Variants in GRID1 observed in about 807,000 individuals in gnomAD.
GRID1 encodes glutamate ionotropic receptor delta type subunit 1.
In GRID1, 28 loss-of-function variants were observed where a neutral mutation model predicts 98.0. That is an observed-to-expected ratio of 0.29 (90% confidence interval 0.21 to 0.39). GRID1 has a LOEUF of 0.39. GRID1 is among the 10% of genes least tolerant of loss of function. GRID1 has a pLI of 1.00. For missense variants in GRID1, 1,111 were observed against 1,340.5 expected, an observed-to-expected ratio of 0.83 and a Z score of 2.67; for synonymous variants, 553 against 538.5, an observed-to-expected ratio of 1.03 and a Z score of -0.37.
intron 4 of GRID1, among the ~76,000 whole-genome samples, chr10:86,089,132 C>A (rs1844106322): frequency 6.6e-6 from 1 of 152,146 alleles, no homozygotes; most frequent in Admixed American, 6.5e-5. Context: ...TGGGTCATAT[C>A]CAAAAGGGTT....
At chr10:85,695,615 G>T (rs1156292882) in intron 12 of GRID1, among the ~76,000 whole-genome samples, 4 of 152,112 alleles carry the variant, frequency 2.6e-5, no homozygotes, top group Non-Finnish European at 4.4e-5. Context: ...AGAATAAAAA[G>T]AAGTAAAAAA....
rs1845686610 is a variant in GRID1, at chr10:86,183,487, G to A, written c.520+22877C>T. Among the ~76,000 whole-genome samples the A allele has an allele frequency of 2.0e-5, 3 of 152,034 alleles. No homozygotes were observed. In the South Asian group the frequency reaches 6.2e-4, roughly 32 times the overall value. ...CGATTCATCTGCCTCAGCCTCCCAA[G>A]TAGCTAGGATTACAGGCATGCGCCA... On this transcript the variant is annotated intron_variant, in intron 3 of 15. Transcript: ENST00000327946.
In GRID1 at chr10:86,366,508, C is replaced by A; in HGVS notation, c.-116G>T. ...GGCCGCTCCCCGGGAGAGCCGAGCCCGCCCGTGCGTCTTCCCCCGCGCGCC... is the reference window on the plus strand; with the variant it reads ...GGCCGCTCCCCGGGAGAGCCGAGCCAGCCCGTGCGTCTTCCCCCGCGCGCC... On this transcript the variant is annotated 5_prime_UTR_variant, in exon 1 of 16. Transcript: ENST00000327946. The surrounding 1 kb of genome is among the most constrained non-coding windows in gnomAD (Gnocchi z 4.1). 1 of 519,606 alleles carries A rather than the reference C, an allele frequency of 1.9e-6. No homozygotes were observed. The highest frequency in any genetic ancestry group is 2.9e-6 in the Non-Finnish European group (1 of 349,598). 32.2% of individuals were successfully genotyped at this position (519,606 alleles called of 1,614,324 possible).
chr10:85,725,287 C>A (rs1193567885), intron 10 of GRID1, among the ~76,000 whole-genome samples: 1 of 152,158 alleles, frequency 6.6e-6, no homozygotes, highest in Non-Finnish European at 1.5e-5. Context: ...ATAAAGGGGT[C>A]ATATATTTAT....
At chr10:85,800,932 G>A (rs1030272319) in intron 8 of GRID1, among the ~76,000 whole-genome samples, 45 of 151,770 alleles carry the variant, frequency 3.0e-4, no homozygotes, top group African/African-American at 4.4e-4. Flanking sequence ...GAGCTGTTTC[G>A]TTAAAATAGA....
In GRID1 at chr10:85,859,449, A is replaced by ATGGT. The variant is rs1843144296; in HGVS notation, c.952-3260_952-3259insACCA. Among the ~76,000 whole-genome samples the ATGGT allele has an allele frequency of 2.3e-4, 35 of 152,256 alleles. 1 individual carries two copies. The South Asian group carries it at 6.8e-3, about 30-fold the overall frequency. ...GATGGATGGATGCATGGAGTGATTG[A>ATGGT]TGGATGGATGGATTTTCTCAGAAGG... On this transcript the variant is annotated intron_variant, in intron 6 of 15. Coordinates refer to ENST00000327946, the MANE Select transcript of GRID1 (RefSeq NM_017551.3).
At chr10:85,653,723 A>T (rs749133802) in intron 12 of GRID1, among the ~76,000 whole-genome samples, 1 of 152,148 alleles carries the variant, frequency 6.6e-6, no homozygotes, top group Non-Finnish European at 1.5e-5. Context: ...ATCAGTCATC[A>T]TGGGAGGGGA....
intron 2 of GRID1, among the ~76,000 whole-genome samples, chr10:86,285,722 T>A (rs1175252584): frequency 6.6e-6 from 1 of 152,126 alleles, no homozygotes; most frequent in Non-Finnish European, 1.5e-5. Flanking sequence ...TAGGTACAGA[T>A]TAGATGTAGG....
At chr10:85,797,793 A>G (rs1842539393) in intron 8 of GRID1, among the ~76,000 whole-genome samples, 1 of 151,984 alleles carries the variant, frequency 6.6e-6, no homozygotes, top group Admixed American at 6.6e-5. Context: ...TCTGTGCTCA[A>G]TGTTTAGCTC....
At chr10:85,647,514 A>G in intron 12 of GRID1, 117 bp from the exon 13 acceptor site, 1 of 760,432 alleles carries the variant, frequency 1.3e-6, no homozygotes, top group Non-Finnish European at 2.2e-6. Flanking sequence ...CACTATCCAC[A>G]TTCTTCATTC....
At chr10:85,673,437 G>T (rs1479869182) in intron 12 of GRID1, among the ~76,000 whole-genome samples, 1 of 152,146 alleles carries the variant, frequency 6.6e-6, no homozygotes, top group African/African-American at 2.4e-5. Flanking sequence ...ATGCTACAGA[G>T]AATTCTTTCA....
chr10:86,039,816 C>T (rs1324675600), intron 4 of GRID1, among the ~76,000 whole-genome samples: 5 of 152,192 alleles, frequency 3.3e-5, no homozygotes, highest in African/African-American at 1.2e-4. Context: ...AGAGACGTTT[C>T]TCTCTATCTC....
intron 8 of GRID1, among the ~76,000 whole-genome samples, chr10:85,768,806 A>G (rs1315120342): frequency 6.6e-6 from 1 of 152,258 alleles, no homozygotes; most frequent in East Asian, 1.9e-4. Flanking sequence ...AATTGACCCA[A>G]CATCTGTGGA....
At position 86,206,651 on chromosome 10, in the gene GRID1, A is replaced by G. The variant is rs773782196; in HGVS notation, c.236-3T>C. 25 of 1,608,922 alleles carry G rather than the reference A, an allele frequency of 1.6e-5. No homozygotes were observed. The highest frequency in any genetic ancestry group is 3.3e-4 in the Middle Eastern group (2 of 6,064). On this transcript the variant is annotated splice_region_variant and splice_polypyrimidine_tract_variant and intron_variant, in intron 2 of 15. Coordinates refer to ENST00000327946, the MANE Select transcript of GRID1 (RefSeq NM_017551.3). This position sits in a 1 kb window ranked among gnomAD's most constrained non-coding sequence, Gnocchi z 4.1. Reference sequence around the variant, plus strand: ...CCCCTGGGTCATGAGGTCACAGGCTAGAAAGAGAGAAGAGAGAGAGGAAGG... The same window carrying G: ...CCCCTGGGTCATGAGGTCACAGGCTGGAAAGAGAGAAGAGAGAGAGGAAGG...
At chr10:85,965,621 C>T (rs1323149667) in intron 4 of GRID1, among the ~76,000 whole-genome samples, 1 of 152,064 alleles carries the variant, frequency 6.6e-6, no homozygotes, top group East Asian at 1.9e-4. Context: ...GAACATCACA[C>T]ACCAGGGCCT....
intron 1 of GRID1, among the ~76,000 whole-genome samples, chr10:86,364,621 G>A (rs1589464348): frequency 6.6e-6 from 1 of 152,358 alleles, no homozygotes; most frequent in East Asian, 1.9e-4. Flanking sequence ...TTCCTGCGCA[G>A]AGGGGTCTTC....
intron 8 of GRID1, among the ~76,000 whole-genome samples, chr10:85,744,675 T>A (rs1306547570): frequency 2.4e-5 from 2 of 83,596 alleles, no homozygotes; most frequent in Non-Finnish European, 4.6e-5. Flanking sequence ...GGACTTCATG[T>A]CCAAAACACC....
intron 4 of GRID1, among the ~76,000 whole-genome samples, chr10:86,110,021 G>A (rs572544441): frequency 7.4e-5 from 11 of 147,714 alleles, no homozygotes; most frequent in South Asian, 2.2e-4. Flanking sequence ...CACCCAGGCC[G>A]GAGTGCAGTG....
Position 85,602,188 on chromosome 10 carries a change from T to G in GRID1, c.*85A>C. The G allele has an allele frequency of 1.4e-6, 1 of 730,180 alleles. No individual in the cohort carries two copies. The highest frequency in any genetic ancestry group is 2.2e-6 in the Non-Finnish European group (1 of 449,458). 45.2% of individuals were successfully genotyped at this position (730,180 alleles called of 1,614,324 possible). A position where few individuals can be genotyped will look rare whatever the true frequency, so the allele number is the denominator to read the frequency against. On this transcript the variant is annotated 3_prime_UTR_variant, in exon 16 of 16. Coordinates refer to ENST00000327946, the MANE Select transcript of GRID1 (RefSeq NM_017551.3). ...GTGTATGTGTGTGTGTGCGAGTGTG[T>G]GTGGTTTGTGTTGTTGTTTTCTTGT... is the stretch of plus-strand genomic sequence containing the variant.
Sources: gnomAD v4.1 joint callset for allele counts (sites outside exome capture counted in the v4.1 genomes callset) on GRCh38, gnomAD v4.1.1 for gene constraint, Gnocchi (gnomAD v3.1) non-coding constraint, MANE v1.5 for transcripts, NCBI Gene and HGNC (gene_info 2026-07-23, HGNC 2026-07-21) for gene names.